The following PCDH15 variants were observed in gnomAD, a reference collection of about 807,000 sequenced individuals.
The protein encoded by PCDH15 is protocadherin related 15, also known as protocadherin-15.
A neutral mutation model predicts 178.5 loss-of-function variants in PCDH15; 129 were observed. The observed-to-expected ratio is 0.72, with a 90% confidence interval of 0.63 to 0.84. The LOEUF is 0.84. Among genes scored for constraint, PCDH15 ranks in the 40% least tolerant of loss-of-function variants. PCDH15 has a pLI of 0.00. For synonymous variants in PCDH15, 800 were observed against 732.0 expected, an observed-to-expected ratio of 1.09 and a Z score of -1.50; for missense variants, 2,230 against 2,099.9, an observed-to-expected ratio of 1.06 and a Z score of -1.21.
chr10:55,279,955 G>A (rs1842685652), intron 1 of PCDH15, among the ~76,000 whole-genome samples: 1 of 152,062 alleles, frequency 6.6e-6, no homozygotes, highest in African/African-American at 2.4e-5. Flanking sequence ...TTGAAGTTCT[G>A]TTTTCTTAAA....
At chr10:55,205,322 T>C (rs1840367771) in intron 1 of PCDH15, among the ~76,000 whole-genome samples, 1 of 152,000 alleles carries the variant, frequency 6.6e-6, no homozygotes, top group African/African-American at 2.4e-5. Flanking sequence ...GGCATCCCTC[T>C]GGAAATCGGT....
chr10:54,062,253 C>CAAAAAAAAAAAAAAA (rs769054605), intron 18 of PCDH15, among the ~76,000 whole-genome samples: 2 of 75,844 alleles, frequency 2.6e-5, no homozygotes, highest in African/African-American at 5.1e-5. Context: ...AAAAAAAAAA[C>CAAAAAAAAAAAAAAA]AAAAAACAAC....
intron 1 of PCDH15, among the ~76,000 whole-genome samples, chr10:55,199,908 C>G (rs1209936800): frequency 6.6e-6 from 1 of 152,116 alleles, no homozygotes; most frequent in African/African-American, 2.4e-5. Context: ...GGTTTGGTAG[C>G]CTCCACCTAG....
intron 2 of PCDH15, among the ~76,000 whole-genome samples, chr10:55,485,677 A>C (rs1840279414): frequency 6.6e-6 from 1 of 151,564 alleles, no homozygotes; most frequent in Non-Finnish European, 1.5e-5. Context: ...CAGGTATGTC[A>C]AGGAGGCGCC....
chr10:55,098,198 G>A (rs1288512260), intron 2 of PCDH15, among the ~76,000 whole-genome samples: 1 of 152,110 alleles, frequency 6.6e-6, no homozygotes, highest in Non-Finnish European at 1.5e-5. Flanking sequence ...AAGGAATACT[G>A]TATTATCAAT....
At chr10:55,062,600 G>C (rs138024872) in intron 2 of PCDH15, among the ~76,000 whole-genome samples, 1 of 152,258 alleles carries the variant, frequency 6.6e-6, no homozygotes, top group East Asian at 1.9e-4. Context: ...TGGATAAATA[G>C]GCAGAGCACA....
intron 2 of PCDH15, among the ~76,000 whole-genome samples, chr10:55,143,825 CTA>C (rs1838419527): frequency 2.8e-5 from 1 of 35,610 alleles, no homozygotes; most frequent in South Asian, 1.6e-3. Flanking sequence ...CTAGTGGGTA[CTA>C]CTACAGGAGA....
intron 2 of PCDH15, among the ~76,000 whole-genome samples, chr10:54,613,809 A>T (rs139244892): frequency 2.6e-5 from 4 of 151,906 alleles, no homozygotes; most frequent in African/African-American, 9.6e-5. Context: ...TTCATTGATT[A>T]TTGTGAACTA....
rs12570494 is a variant in PCDH15 at position 55,444,123 on chromosome 10, G to C, written c.-156+183502C>G. Among the ~76,000 whole-genome samples the C allele has an allele frequency of 2.5e-3, 372 of 151,452 alleles. 4 individuals are homozygous for C. In the East Asian group the frequency reaches 0.039, roughly 16 times the overall value. ...CACAGGGAGAGGAACATCACACACC[G>C]GGGCCTATCGGGGGGTGGGGGGTAA... On this transcript the variant is annotated intron_variant, in intron 2 of 5. Coordinates refer to the PCDH15 transcript ENST00000613346.
At chr10:54,268,572 A>G (rs1591509161) in intron 8 of PCDH15, among the ~76,000 whole-genome samples, 1 of 152,078 alleles carries the variant, frequency 6.6e-6, no homozygotes, top group East Asian at 1.9e-4. Context: ...ATGGAATACT[A>G]TGCATCCAGA....
chr10:54,258,381 G>T (rs969251833), intron 8 of PCDH15, among the ~76,000 whole-genome samples: 2 of 152,154 alleles, frequency 1.3e-5, no homozygotes, highest in African/African-American at 4.8e-5. Flanking sequence ...ATTATTATAG[G>T]AATAATTCAT....
At chr10:55,586,726 G>A (rs921982286) in intron 2 of PCDH15, among the ~76,000 whole-genome samples, 3 of 151,996 alleles carry the variant, frequency 2.0e-5, no homozygotes, top group African/African-American at 7.2e-5. Context: ...AAATATGGTT[G>A]GCTGCATTTA....
At chr10:54,478,900 A>T (rs1014628361) in intron 3 of PCDH15, among the ~76,000 whole-genome samples, 1 of 152,072 alleles carries the variant, frequency 6.6e-6, no homozygotes, top group African/African-American at 2.4e-5. Flanking sequence ...GCAAAATAGA[A>T]ATAACAGATG....
At chr10:53,991,661 T>C (rs755466119) in intron 21 of PCDH15, among the ~76,000 whole-genome samples, 2 of 151,344 alleles carry the variant, frequency 1.3e-5, no homozygotes, top group Non-Finnish European at 2.9e-5. Context: ...CAGTCGGCAC[T>C]CTGTGTCTAG....
intron 2 of PCDH15, among the ~76,000 whole-genome samples, chr10:55,378,124 G>A (rs1238870415): frequency 6.6e-6 from 1 of 152,060 alleles, no homozygotes; most frequent in African/African-American, 2.4e-5. Flanking sequence ...GGGTTGATGG[G>A]TGCAGCAGAC....
intron 1 of PCDH15, among the ~76,000 whole-genome samples, chr10:54,700,358 C>T (rs1380169688): frequency 6.6e-6 from 1 of 151,978 alleles, no homozygotes; most frequent in East Asian, 1.9e-4. Flanking sequence ...TGGTTCTTAA[C>T]CAGGCTGAAA....
intron 2 of PCDH15, among the ~76,000 whole-genome samples, chr10:54,991,613 TA>T (rs1462178577): frequency 7.2e-5 from 11 of 152,170 alleles, no homozygotes; most frequent in Non-Finnish European, 1.2e-4. Flanking sequence ...AAAATATTAG[TA>T]ATGTCTTACA....
chr10:54,626,269 G>A (rs11004419), intron 2 of PCDH15, among the ~76,000 whole-genome samples: 1 of 152,106 alleles, frequency 6.6e-6, no homozygotes, highest in Non-Finnish European at 1.5e-5. Context: ...TCAAGCGGGC[G>A]GCAGAAATTT....
intron 18 of PCDH15, among the ~76,000 whole-genome samples, chr10:54,039,148 AAAT>A (rs1341809849): frequency 6.6e-6 from 1 of 152,046 alleles, no homozygotes; most frequent in Non-Finnish European, 1.5e-5. Context: ...GAAAAACAAA[AAAT>A]AAGTTCATTT....
Sources: gnomAD v4.1 joint callset for allele counts (sites outside exome capture counted in the v4.1 genomes callset) on GRCh38, gnomAD v4.1.1 for gene constraint, MANE v1.5 for transcripts, NCBI Gene and HGNC (gene_info 2026-07-23, HGNC 2026-07-21) for gene names.